Variants in NPAS3 observed in about 807,000 individuals in gnomAD.
NPAS3 encodes the protein neuronal PAS domain protein 3, also known as neuronal PAS domain-containing protein 3.
In NPAS3, 14 loss-of-function variants were observed where a neutral mutation model predicts 73.1. The ratio of observed to expected loss-of-function variants is 0.19; its 90% confidence interval spans 0.13 to 0.30. NPAS3 has a LOEUF of 0.30. Ranked by LOEUF, NPAS3 falls within the 10% of genes least tolerant of loss-of-function variation. NPAS3 has a pLI of 1.00. For missense variants in NPAS3, 1,096 were observed against 1,250.0 expected (o/e 0.88, Z 1.86); for synonymous variants, 620 against 541.5 (o/e 1.14, Z -2.01).
At chr14:32,995,772 G>A (rs2038543096) in intron 1 of NPAS3, among the ~76,000 whole-genome samples, 2 of 152,222 alleles carry the variant, frequency 1.3e-5, no homozygotes, top group Admixed American at 6.5e-5. Context: ...ATGTGGAACT[G>A]TGAGTTCTCC....
intron 4 of NPAS3, among the ~76,000 whole-genome samples, chr14:33,403,922 C>T (rs17101022): frequency 0.15 from 22,058 of 152,106 alleles, 1,869 homozygotes; most frequent in Admixed American, 0.24. Context: ...GACAGTCCTA[C>T]ATCCTCCTGC....
intron 5 of NPAS3, among the ~76,000 whole-genome samples, chr14:33,646,994 T>G (rs977901871): frequency 1.3e-5 from 2 of 152,148 alleles, no homozygotes; most frequent in African/African-American, 4.8e-5. Flanking sequence ...GGAGCTGTCT[T>G]GTAGTATCAG....
chr14:32,964,347 TC>T (rs2037060347), intron 1 of NPAS3, among the ~76,000 whole-genome samples: 1 of 152,068 alleles, frequency 6.6e-6, no homozygotes, highest in Non-Finnish European at 1.5e-5. Flanking sequence ...ATTACCAAGG[TC>T]ATATAACTAG....
intron 1 of NPAS3, among the ~76,000 whole-genome samples, chr14:32,979,067 G>T (rs1337455210): frequency 1.3e-5 from 2 of 152,074 alleles, no homozygotes; most frequent in Non-Finnish European, 2.9e-5. Flanking sequence ...CTATAAAATG[G>T]GGATAATAGT....
intron 4 of NPAS3, among the ~76,000 whole-genome samples, chr14:33,376,740 A>T (rs1245876692): frequency 6.6e-6 from 1 of 152,206 alleles, no homozygotes; most frequent in African/African-American, 2.4e-5. Flanking sequence ...TCATTTATTA[A>T]CTGTGTGCAC....
chr14:33,328,925 T>G (rs75016111), intron 3 of NPAS3, among the ~76,000 whole-genome samples: 1 of 152,168 alleles, frequency 6.6e-6, no homozygotes, highest in Admixed American at 6.5e-5. Flanking sequence ...CTCAGAATTG[T>G]TTGAGATATC....
At chr14:33,656,699 T>A (rs1156628067) in intron 5 of NPAS3, among the ~76,000 whole-genome samples, 1 of 152,204 alleles carries the variant, frequency 6.6e-6, no homozygotes, top group Non-Finnish European at 1.5e-5. Flanking sequence ...CTTTTCACAG[T>A]TACCTTTCTT....
chr14:33,297,622 C>A (rs1297423821), intron 3 of NPAS3, among the ~76,000 whole-genome samples: 3 of 152,110 alleles, frequency 2.0e-5, no homozygotes, highest in Non-Finnish European at 2.9e-5. Flanking sequence ...TGCACACACA[C>A]AAAAAAACCA....
chr14:33,308,795 C>T (rs2042887039), intron 3 of NPAS3, among the ~76,000 whole-genome samples: 2 of 151,622 alleles, frequency 1.3e-5, no homozygotes, highest in South Asian at 4.2e-4. Flanking sequence ...TGGATAAAAG[C>T]CTTTTTAAAA....
chr14:32,934,944 C>A, upstream of NPAS3: 2 of 1,231,626 alleles, frequency 1.6e-6, no homozygotes, highest in Non-Finnish European at 2.1e-6. The surrounding 1 kb of genome is among the most constrained non-coding windows in gnomAD (Gnocchi z 4.1). Flanking sequence ...TGGGGAGGGC[C>A]GGCGCCGCGG....
At chr14:33,110,716 G>T (rs2042864195) in intron 2 of NPAS3, among the ~76,000 whole-genome samples, 1 of 152,014 alleles carries the variant, frequency 6.6e-6, no homozygotes, top group Admixed American at 6.6e-5. Context: ...CTGCTTCCTG[G>T]GATTCATATG....
intron 4 of NPAS3, among the ~76,000 whole-genome samples, chr14:33,526,179 C>A (rs1166686956): frequency 6.6e-6 from 1 of 152,130 alleles, no homozygotes; most frequent in Non-Finnish European, 1.5e-5. Context: ...CATGACCTTT[C>A]ATAACTCTCA....
At chr14:33,285,445 G>A (rs994935269) in intron 3 of NPAS3, among the ~76,000 whole-genome samples, 3 of 152,124 alleles carry the variant, frequency 2.0e-5, no homozygotes, top group African/African-American at 7.2e-5. Flanking sequence ...AATTCATCTT[G>A]GCTGTATAAA....
In NPAS3 at chr14:33,459,484, G is replaced by C. The variant is rs570206648; in HGVS notation, c.468+92216G>C. ...TACATAATCCTGGAAATCTGCAGTAGAAATCATGGACAGTATTACTACATG... is the reference window on the plus strand; with the variant it reads ...TACATAATCCTGGAAATCTGCAGTACAAATCATGGACAGTATTACTACATG... On this transcript the variant is annotated intron_variant, in intron 4 of 11. Coordinates refer to ENST00000356141, the Ensembl canonical transcript of NPAS3. 7.9e-5 allele frequency among the ~76,000 whole-genome samples: 12 copies of C among 152,330 alleles called. 1 individual carries two copies. Among genetic ancestry groups the C allele is most frequent in the Middle Eastern group, 6.8e-3 (2 of 294 alleles).
chr14:33,617,721 G>A (rs1289088769), intron 5 of NPAS3, among the ~76,000 whole-genome samples: 2 of 152,130 alleles, frequency 1.3e-5, no homozygotes, highest in Admixed American at 1.3e-4. Context: ...AAATCACAGC[G>A]ATCAAGGGCT....
chr14:33,269,905 C>T (rs985465448), intron 3 of NPAS3, among the ~76,000 whole-genome samples: 9 of 152,102 alleles, frequency 5.9e-5, no homozygotes, highest in Non-Finnish European at 2.9e-5. Context: ...TGACAACTAC[C>T]TATACTTTAA....
intron 2 of NPAS3, among the ~76,000 whole-genome samples, chr14:33,207,657 A>C (rs1015483287): frequency 2.6e-5 from 4 of 152,172 alleles, no homozygotes; most frequent in African/African-American, 9.7e-5. Context: ...ACAAACATCC[A>C]TTGTTAGGAC....
At chr14:33,541,822 C>T (rs2054532703) in intron 4 of NPAS3, among the ~76,000 whole-genome samples, 1 of 152,160 alleles carries the variant, frequency 6.6e-6, no homozygotes, top group African/African-American at 2.4e-5. Context: ...GTCAAATCTG[C>T]TGTAGTTTCC....
chr14:32,994,673 T>C (rs992031659), intron 1 of NPAS3, among the ~76,000 whole-genome samples: 7 of 148,552 alleles, frequency 4.7e-5, no homozygotes, highest in African/African-American at 1.5e-4. Context: ...ACTCCATTGC[T>C]TAGGCTGTAG....
Sources: allele counts gnomAD v4.1 joint callset (sites outside exome capture counted in the v4.1 genomes callset), GRCh38; gene constraint gnomAD v4.1.1; non-coding constraint Gnocchi (gnomAD v3.1); transcripts MANE v1.5; gene names NCBI Gene and HGNC (gene_info 2026-07-23, HGNC 2026-07-21).